Variants in CAMK1D observed in about 807,000 individuals in gnomAD.
CAMK1D encodes the protein calcium/calmodulin dependent protein kinase ID.
Under a neutral mutation model 47.7 loss-of-function variants are expected in CAMK1D, and 9 were observed. The observed-to-expected ratio is 0.19, with a 90% CI of 0.11 to 0.33. The LOEUF (loss-of-function observed/expected upper bound fraction) is 0.33, where lower values mean the gene tolerates loss of function less well. Among genes scored for constraint, CAMK1D ranks in the 10% least tolerant of loss-of-function variants. CAMK1D has a pLI of 1.00. For synonymous variants in CAMK1D, 184 were observed against 184.9 expected (o/e 0.99, Z 0.04); for missense variants, 291 against 488.7 (o/e 0.60, Z 3.81).
At chr10:12,476,152 C>T (rs1833896487) in intron 1 of CAMK1D, among the ~76,000 whole-genome samples, 1 of 151,940 alleles carries the variant, frequency 6.6e-6, no homozygotes, top group East Asian at 1.9e-4. Flanking sequence ...ATTAGCTGGG[C>T]ATGGTGGCAC....
chr10:12,560,694 T>G (rs11593572), intron 2 of CAMK1D, among the ~76,000 whole-genome samples: 72,120 of 151,514 alleles, frequency 0.48, 18,350 homozygotes, highest in Non-Finnish European at 0.58. Context: ...CCAATACAGC[T>G]TTTTAAGGAT....
At chr10:12,669,994 C>T (rs1453046097) in intron 3 of CAMK1D, among the ~76,000 whole-genome samples, 1 of 152,008 alleles carries the variant, frequency 6.6e-6, no homozygotes, top group Admixed American at 6.6e-5. Flanking sequence ...TGAACGTTCA[C>T]GTACAGGTCT....
chr10:12,421,476 CT>C (rs1840046178), intron 1 of CAMK1D, among the ~76,000 whole-genome samples: 1 of 142,824 alleles, frequency 7.0e-6, no homozygotes, highest in African/African-American at 2.6e-5. Context: ...ATTCCACTGT[CT>C]CCCTTGGTCA....
At chr10:12,531,161 G>A (rs565919402) in intron 1 of CAMK1D, among the ~76,000 whole-genome samples, 1 of 152,258 alleles carries the variant, frequency 6.6e-6, no homozygotes, top group East Asian at 1.9e-4. Flanking sequence ...AATAAACCAG[G>A]CAGCATATGC....
chr10:12,527,770 G>C (rs569397529), intron 1 of CAMK1D, among the ~76,000 whole-genome samples: 7 of 152,302 alleles, frequency 4.6e-5, no homozygotes, highest in African/African-American at 1.7e-4. Flanking sequence ...CGACTTCACT[G>C]TCAATCTCTC....
At chr10:12,352,946 C>T (rs1334790188) in intron 1 of CAMK1D, among the ~76,000 whole-genome samples, 1 of 151,964 alleles carries the variant, frequency 6.6e-6, no homozygotes, top group African/African-American at 2.4e-5. Context: ...ACCGTGTTAG[C>T]CAGGATGGTC....
chr10:12,472,329 C>T (rs1420063250), intron 1 of CAMK1D, among the ~76,000 whole-genome samples: 1 of 152,126 alleles, frequency 6.6e-6, no homozygotes, highest in Non-Finnish European at 1.5e-5. Context: ...CCATATTCTG[C>T]TTGCTCTTCC....
intron 2 of CAMK1D, among the ~76,000 whole-genome samples, chr10:12,583,117 GC>G (rs1236083045): frequency 7.2e-5 from 11 of 152,062 alleles, no homozygotes; most frequent in Admixed American, 6.6e-4. Flanking sequence ...AAAGAAACAA[GC>G]CCAACAATTT....
At chr10:12,447,320 T>C (rs535866139) in intron 1 of CAMK1D, among the ~76,000 whole-genome samples, 11 of 152,328 alleles carry the variant, frequency 7.2e-5, no homozygotes, top group Admixed American at 6.5e-5. Context: ...TTAAAGGGAA[T>C]AACTGGTAAC....
chr10:12,374,037 A>G (rs2131861051), intron 1 of CAMK1D, among the ~76,000 whole-genome samples: 1 of 150,900 alleles, frequency 6.6e-6, no homozygotes, highest in African/African-American at 2.4e-5. Context: ...AGGTGGGCAG[A>G]TCACTTGAGA....
intron 1 of CAMK1D, among the ~76,000 whole-genome samples, chr10:12,409,522 C>T (rs1174693558): frequency 6.6e-6 from 1 of 152,256 alleles, no homozygotes. Context: ...GGGCTCAAGC[C>T]ATTCTTCCGC....
intron 2 of CAMK1D, among the ~76,000 whole-genome samples, chr10:12,653,662 C>G (rs1840041339): frequency 6.6e-6 from 1 of 152,242 alleles, no homozygotes; most frequent in African/African-American, 2.4e-5. Context: ...GTTCAATCCC[C>G]CTAAGTCTGA....
At chr10:12,647,146 T>C (rs1839832921) in intron 2 of CAMK1D, among the ~76,000 whole-genome samples, 1 of 11,402 alleles carries the variant, frequency 8.8e-5, no homozygotes, top group Admixed American at 9.8e-4. Context: ...CAGGCTAGCC[T>C]TTTTTTTTTT....
At chr10:12,504,108 G>GGGT (rs149803598) in intron 1 of CAMK1D, among the ~76,000 whole-genome samples, 3 of 147,640 alleles carry the variant, frequency 2.0e-5, no homozygotes, top group African/African-American at 7.6e-5. Context: ...CAATAAGATG[G>GGGT]GTGTGTGTGT....
chr10:12,466,419 A>G (rs1180692197), intron 1 of CAMK1D, among the ~76,000 whole-genome samples: 1 of 151,552 alleles, frequency 6.6e-6, no homozygotes, highest in Admixed American at 6.6e-5. Flanking sequence ...AAACAAACAA[A>G]CAAAAATTTT....
chr10:12,750,066 A>G (rs983137339), intron 3 of CAMK1D, among the ~76,000 whole-genome samples: 1 of 152,238 alleles, frequency 6.6e-6, no homozygotes, highest in African/African-American at 2.4e-5. Flanking sequence ...GAGCACATCA[A>G]TTGACAAAGC....
At chr10:12,480,680 G>T (rs1427764659) in intron 1 of CAMK1D, among the ~76,000 whole-genome samples, 1 of 152,118 alleles carries the variant, frequency 6.6e-6, no homozygotes, top group Non-Finnish European at 1.5e-5. Flanking sequence ...TAAGGGACTT[G>T]CCCAAGGCCG....
chr10:12,827,128 G>T (rs1833238791), intron 10 of CAMK1D, among the ~76,000 whole-genome samples: 2 of 151,910 alleles, frequency 1.3e-5, no homozygotes, highest in African/African-American at 4.8e-5. Context: ...TTTTCTTTTT[G>T]CTTTCCTTTC....
intron 1 of CAMK1D, among the ~76,000 whole-genome samples, chr10:12,381,775 A>G (rs1332309747): frequency 3.9e-5 from 6 of 152,120 alleles, no homozygotes; most frequent in African/African-American, 1.4e-4. Context: ...TAATTGGATG[A>G]TCCCAGATGT....
Sources: allele counts gnomAD v4.1 joint callset (sites outside exome capture counted in the v4.1 genomes callset), GRCh38; gene constraint gnomAD v4.1.1; transcripts MANE v1.5; gene names NCBI Gene and HGNC (gene_info 2026-07-23, HGNC 2026-07-21).